OXR1: variants seen among roughly 807,000 people sequenced by gnomAD.
The protein encoded by OXR1 is oxidation resistance 1, also known as oxidation resistance protein 1.
OXR1 carries 41 observed loss-of-function variants against 104.6 expected under a neutral mutation model. That is an observed-to-expected ratio of 0.39 (90% CI 0.31 to 0.51). OXR1 has a LOEUF of 0.51. OXR1 is among the 20% of genes least tolerant of loss of function. OXR1 has a pLI of 0.77. For missense variants in OXR1, 955 were observed against 1,031.9 expected, an observed-to-expected ratio of 0.93 and a Z score of 1.02; for synonymous variants, 348 against 348.4, an observed-to-expected ratio of 1.00 and a Z score of 0.01.
chr8:106,340,511 T>C (rs940173157), intron 1 of OXR1, among the ~76,000 whole-genome samples: 9 of 152,162 alleles, frequency 5.9e-5, no homozygotes, highest in Non-Finnish European at 1.3e-4. Flanking sequence ...ACATCTAAAA[T>C]AGATGTAACC....
At chr8:106,706,316 A>G in intron 8 of OXR1, 66 bp from the exon 9 acceptor site, 1 of 1,091,710 alleles carries the variant, frequency 9.2e-7, no homozygotes, top group Non-Finnish European at 1.3e-6. Flanking sequence ...TTCTGTGTTC[A>G]GTGTGTGAAA....
chr8:106,407,400 C>G (rs1490440313), intron 2 of OXR1, among the ~76,000 whole-genome samples: 1 of 152,112 alleles, frequency 6.6e-6, no homozygotes, highest in African/African-American at 2.4e-5. Flanking sequence ...ATTAGAATTG[C>G]TGTTTGATTA....
chr8:106,300,822 CTA>C (rs1268860622), intron 1 of OXR1, among the ~76,000 whole-genome samples: 1 of 152,208 alleles, frequency 6.6e-6, no homozygotes, highest in African/African-American at 2.4e-5. Context: ...GTTGAGAACA[CTA>C]TGTATCAATG....
At chr8:106,448,364 T>A (rs1820118190) in intron 2 of OXR1, among the ~76,000 whole-genome samples, 1 of 152,230 alleles carries the variant, frequency 6.6e-6, no homozygotes, top group Admixed American at 6.5e-5. Context: ...CTGTTTTTCC[T>A]AATTTCAGCT....
rs1045806151 is a variant in OXR1, at chr8:106,476,074, G to C, written c.24-42869G>C. Among the ~76,000 whole-genome samples the C allele has an allele frequency of 2.7e-5, 4 of 148,128 alleles. No individual in the cohort carries two copies. In the East Asian group the frequency reaches 7.8e-4, roughly 29 times the overall value. ...GTAGCTTCAATGGTGCAGTCCTTCC[G>C]GATTTTCTTGACATTCTCTTTATCA... On this transcript the variant is annotated intron_variant, in intron 2 of 16. Transcript: ENST00000517566.
At chr8:106,641,030 AC>A (rs1378967836) in intron 3 of OXR1, among the ~76,000 whole-genome samples, 1 of 152,256 alleles carries the variant, frequency 6.6e-6, no homozygotes, top group African/African-American at 2.4e-5. Flanking sequence ...ATCTACATAG[AC>A]AGTAGTATAA....
chr8:106,578,691 T>C (rs189042333), intron 3 of OXR1, among the ~76,000 whole-genome samples: 1 of 152,368 alleles, frequency 6.6e-6, no homozygotes. Context: ...ACAGATTTAA[T>C]GTGGTTGTAA....
intron 6 of OXR1, among the ~76,000 whole-genome samples, chr8:106,688,786 G>A (rs1363087818): frequency 6.6e-6 from 1 of 152,138 alleles, no homozygotes; most frequent in Non-Finnish European, 1.5e-5. Context: ...AACTGAGACT[G>A]AAAACCTGGC....
chr8:106,680,090 T>C (rs1470708450), intron 4 of OXR1, among the ~76,000 whole-genome samples: 1 of 152,086 alleles, frequency 6.6e-6, no homozygotes, highest in Admixed American at 6.6e-5. Context: ...ATCTTTAAAA[T>C]TGAACAAATT....
intron 3 of OXR1, chr8:106,580,961 T>G: frequency 9.9e-7 from 1 of 1,006,136 alleles, no homozygotes; most frequent in Non-Finnish European, 1.2e-6. Flanking sequence ...CTAAAACACA[T>G]GCTTGTTTCC....
rs181548988 is a variant in OXR1 at position 106,659,002 on chromosome 8, T to C, written c.221-20208T>C. 3.2e-4 allele frequency among the ~76,000 whole-genome samples: 48 copies of C among 152,372 alleles called. 1 individual carries two copies. In the East Asian group the frequency reaches 7.1e-3, roughly 23 times the overall value. On this transcript the variant is annotated intron_variant, in intron 3 of 16. Coordinates refer to ENST00000517566, the MANE Select transcript of OXR1 (RefSeq NM_001198533.2). Reference sequence around the variant, plus strand: ...TCTGATTTTTATTTTTGTTAATTGCTTTAATATTTGAGGGTTATGAAAATA... The same window carrying C: ...TCTGATTTTTATTTTTGTTAATTGCCTTAATATTTGAGGGTTATGAAAATA...
chr8:106,301,889 C>A (rs573853876), intron 1 of OXR1, among the ~76,000 whole-genome samples: 1 of 151,872 alleles, frequency 6.6e-6, no homozygotes, highest in African/African-American at 2.4e-5. Flanking sequence ...AAATAAAAAC[C>A]CTTTTAGGAA....
At chr8:106,320,806 G>A (rs1353665514) in intron 1 of OXR1, among the ~76,000 whole-genome samples, 1 of 151,938 alleles carries the variant, frequency 6.6e-6, no homozygotes, top group East Asian at 1.9e-4. Context: ...CGAGTTCCTG[G>A]GATTACAGGC....
chr8:106,318,485 C>T (rs1426047296), intron 1 of OXR1, among the ~76,000 whole-genome samples: 1 of 152,196 alleles, frequency 6.6e-6, no homozygotes, highest in African/African-American at 2.4e-5. Flanking sequence ...CTCTTCCCCA[C>T]TCCTTCCACC....
At chr8:106,335,782 A>C (rs1204047670) in intron 1 of OXR1, among the ~76,000 whole-genome samples, 1 of 152,158 alleles carries the variant, frequency 6.6e-6, no homozygotes, top group African/African-American at 2.4e-5. Flanking sequence ...TAATATAGAC[A>C]CATGAGATAT....
chr8:106,271,445 C>G (rs1811803945), intron 1 of OXR1, among the ~76,000 whole-genome samples: 1 of 152,030 alleles, frequency 6.6e-6, no homozygotes, highest in African/African-American at 2.4e-5. Context: ...GGTGTCAGTT[C>G]TAGGCCACAG....
At chr8:106,390,581 G>A (rs2130442105) in intron 2 of OXR1, among the ~76,000 whole-genome samples, 1 of 152,138 alleles carries the variant, frequency 6.6e-6, no homozygotes, top group South Asian at 2.1e-4. Flanking sequence ...TCAAACCCAG[G>A]CAACTTGGCT....
chr8:106,495,465 A>G (rs2129899956), intron 2 of OXR1, among the ~76,000 whole-genome samples: 1 of 152,356 alleles, frequency 6.6e-6, no homozygotes, highest in Non-Finnish European at 1.5e-5. Context: ...TCCTCTTGAC[A>G]TCTCCATATT....
intron 3 of OXR1, among the ~76,000 whole-genome samples, chr8:106,593,626 A>C (rs921731977): frequency 6.6e-6 from 1 of 152,118 alleles, no homozygotes; most frequent in Non-Finnish European, 1.5e-5. Context: ...AAATACAAAA[A>C]ATTAGCCGGG....
Sources: allele counts gnomAD v4.1 joint callset (sites outside exome capture counted in the v4.1 genomes callset), GRCh38; gene constraint gnomAD v4.1.1; transcripts MANE v1.5; gene names NCBI Gene and HGNC (gene_info 2026-07-23, HGNC 2026-07-21).